Variants in FXYD5 observed in about 807,000 individuals in gnomAD.
The protein encoded by FXYD5 is FXYD domain containing ion transport regulator 5.
A neutral mutation model predicts 25.7 loss-of-function variants in FXYD5; 21 were observed. The observed-to-expected ratio is 0.82, with a 90% CI of 0.58 to 1.18. The LOEUF (loss-of-function observed/expected upper bound fraction) is 1.18, where lower values mean the gene tolerates loss of function less well. FXYD5 is among the 50% of genes most tolerant of loss of function. The pLI is 0.00. For synonymous variants in FXYD5, 101 were observed against 90.7 expected (o/e 1.11, Z -0.64); for missense variants, 229 against 227.7 (o/e 1.01, Z -0.04).
chr19:35,166,011 T>C (rs1435300854), intron 6 of FXYD5, 131 bp from the exon 7 acceptor site: 2 of 804,944 alleles, frequency 2.5e-6, no homozygotes, highest in Non-Finnish European at 4.4e-6. Flanking sequence ...AGCCAGATTG[T>C]GTGCCATGGT....
At chr19:35,159,097 A>G (rs2065382523) in intron 4 of FXYD5, among the ~76,000 whole-genome samples, 1 of 151,848 alleles carries the variant, frequency 6.6e-6, no homozygotes, top group Non-Finnish European at 1.5e-5. Flanking sequence ...ACTGCACTCC[A>G]GCCTGGGCAA....
chr19:35,164,952 A>G (rs2065438012), intron 6 of FXYD5, among the ~76,000 whole-genome samples: 1 of 152,220 alleles, frequency 6.6e-6, no homozygotes, highest in Admixed American at 6.5e-5. Context: ...CAGGTTGAGT[A>G]TTCCTTATCC....
chr19:35,155,594 T>A lies in FXYD5; in HGVS notation c.44T>A (p.Leu15Gln), dbSNP rs1347708169. The A allele has an allele frequency of 6.2e-7, 1 of 1,609,882 alleles. No individual in the cohort carries two copies. Among genetic ancestry groups the A allele is most frequent in the Admixed American group, 1.7e-5 (1 of 60,004 alleles). ...CTGTGTCTTCTCACCATCGTTGGCC[T>A]GATTCTCCCCACCAGAGGTAAGACC... ...GRLCLLTIVG[L>Q]ILPTRGQTLK... The change falls in exon 2 of 9, where the codon CTG becomes CAG. Residue 15 changes from leucine (L) to glutamine (Q), a missense_variant. By Grantham distance (113) the Leu-to-Gln change is moderately radical. Transcript: ENST00000392219.
rs753853880 is a variant in FXYD5 at position 35,166,373 on chromosome 19, C to T, written c.487+48C>T. 3.7e-5 allele frequency: 46 copies of T among 1,241,058 alleles called. No individual in the cohort carries two copies. The South Asian group carries it at 6.2e-4, about 17-fold the overall frequency. 76.9% of individuals were successfully genotyped at this position (1,241,058 alleles called of 1,614,324 possible). ...AAGGACACCAAGACCAGGAGGGGGA[C>T]TTATGACGGAGGGCTGGGTTCTCAA... On this transcript the variant is annotated intron_variant, in intron 8 of 8. Transcript: ENST00000392219.
chr19:35,159,808 C>T, intron 4 of FXYD5: 1 of 794,088 alleles, frequency 1.3e-6, no homozygotes, highest in Non-Finnish European at 1.9e-6. Context: ...CACAACAAGT[C>T]AGGGACGCAG....
rs1013079401 is a variant in FXYD5 at position 35,169,606 on chromosome 19, T to C, written c.528T>C (p.Arg176=). Residue 176 remains arginine (R), a synonymous_variant, in exon 9 of 9, where the codon CGT becomes CGC. Transcript: ENST00000392219. The part of the protein sequence containing the change: ...CRQLSRLCRN[R]CR ...AGCTGTCCCGGTTATGCCGGAATCG[T>C]TGCAGGTGAGTCCATCAGAAACAGG... 4 of 1,607,904 alleles carry C rather than the reference T, an allele frequency of 2.5e-6. No individual in the cohort carries two copies. The highest frequency in any genetic ancestry group is 2.6e-6 in the Non-Finnish European group (3 of 1,174,280).
intron 3 of FXYD5, 171 bp downstream of exon 3, chr19:35,157,672 C>T (rs1271153622): frequency 6.0e-6 from 3 of 502,252 alleles, no homozygotes; most frequent in Admixed American, 3.4e-5. Context: ...CTATCAGAAC[C>T]TCTCTCCACC....
chr19:35,157,563 C>A (rs2065368784), intron 3 of FXYD5, 62 bp downstream of exon 3: 1 of 883,430 alleles, frequency 1.1e-6, no homozygotes, highest in Non-Finnish European at 1.9e-6. Context: ...CAACAAAAAT[C>A]CCAAACTTGG....
Position 35,155,542 on chromosome 19 carries a change from G to T in FXYD5, c.1-9G>T. The T allele has an allele frequency of 6.2e-7, 1 of 1,608,548 alleles. No individual in the cohort carries two copies. Reference sequence around the variant, plus strand: ...TCATGGCTGACCCCAGCATCGCCTGGTCCCACAGATGTCGCCCTCTGGTCG... The same window carrying T: ...TCATGGCTGACCCCAGCATCGCCTGTTCCCACAGATGTCGCCCTCTGGTCG... On this transcript the variant is annotated splice_polypyrimidine_tract_variant and intron_variant, in intron 1 of 8. Transcript: ENST00000392219.
Position 35,168,377 on chromosome 19 carries a change from C to T in FXYD5, c.488-1189C>T, listed in dbSNP as rs2065469202. 2.0e-5 allele frequency among the ~76,000 whole-genome samples: 3 copies of T among 152,038 alleles called. No individual in the cohort carries two copies. The South Asian group carries it at 6.2e-4, about 32-fold the overall frequency. ...GGAAGAGAGGGGTGGGGAGAGAAGC[C>T]CTCCCTGGAGTGGTGAAATTGGAAC... On this transcript the variant is annotated intron_variant, in intron 8 of 8. Transcript: ENST00000392219.
At position 35,160,714 on chromosome 19, in the gene FXYD5, C is replaced by G. The variant is rs372822500; in HGVS notation, c.205C>G (p.Pro69Ala). The change falls in exon 5 of 9, where the codon CCA becomes GCA. Residue 69 changes from proline (P) to alanine (A), a missense_variant. Pro to Ala is a conservative substitution (Grantham distance 27, BLOSUM62 -1). Coordinates refer to ENST00000392219, the MANE Select transcript of FXYD5 (RefSeq NM_014164.6). ...PTPTWPADET[P>A]QPQTQTQQLE... ...TGCTCTCCTGACCTGAATAGAAACA[C>G]CACAACCCCAGACCCAGACCCAGCA... The G allele has an allele frequency of 1.2e-6, 2 of 1,611,598 alleles. No homozygotes were observed. The highest frequency in any genetic ancestry group is 4.5e-5 in the East Asian group (2 of 44,864).
chr19:35,163,251 A>G (rs551360428), intron 5 of FXYD5, among the ~76,000 whole-genome samples: 22 of 152,284 alleles, frequency 1.4e-4, no homozygotes, highest in African/African-American at 5.3e-4. Context: ...CTTGGTTGCC[A>G]GTTCCTATTT....
chr19:35,164,240 C>T lies in FXYD5; in HGVS notation c.377C>T (p.Pro126Leu), dbSNP rs201983472. The change falls in exon 6 of 9, where the codon CCA becomes CTA. Residue 126 changes from proline to leucine, a missense_variant. Coordinates refer to ENST00000392219, the MANE Select transcript of FXYD5 (RefSeq NM_014164.6). ...DVQTDPQTLK[P>L]SGFHEDDPFF... ...CAGACAGACCCCCAGACCCTCAAGCCATCTGGTTAGTAACTGCCTCCCCAG... is the reference window on the plus strand; with the variant it reads ...CAGACAGACCCCCAGACCCTCAAGCTATCTGGTTAGTAACTGCCTCCCCAG... 30 of 1,610,958 alleles carry T rather than the reference C, an allele frequency of 1.9e-5. No homozygotes were observed. Among genetic ancestry groups the T allele is most frequent in the Non-Finnish European group, 2.5e-5 (29 of 1,178,684 alleles).
intron 5 of FXYD5, among the ~76,000 whole-genome samples, chr19:35,162,767 T>A (rs1488487645): frequency 6.6e-6 from 1 of 152,196 alleles, no homozygotes. Flanking sequence ...TTCAAAGGTC[T>A]CAGGGAAGGA....
At position 35,169,698 on chromosome 19, in the gene FXYD5, A is replaced by G. The variant is rs2065481902; in HGVS notation, c.*83A>G. The G allele has an allele frequency of 2.3e-6, 2 of 875,752 alleles. No homozygotes were observed. Among genetic ancestry groups the G allele is most frequent in the Non-Finnish European group, 1.9e-6 (1 of 518,476 alleles). 54.2% of individuals were successfully genotyped at this position (875,752 alleles called of 1,614,324 possible). A position where few individuals can be genotyped will look rare whatever the true frequency, so the allele number is the denominator to read the frequency against. On this transcript the variant is annotated 3_prime_UTR_variant, in exon 9 of 9. Coordinates refer to ENST00000392219, the MANE Select transcript of FXYD5 (RefSeq NM_014164.6). ...CAGCTCACCGTGCCCAGCCTCCTGC[A>G]TCCCCTCGAAGAGCCTGGCCAGAGA... is the stretch of plus-strand genomic sequence containing the variant.
Position 35,158,368 on chromosome 19 carries a change from C to T in FXYD5, c.167C>T (p.Pro56Leu). The T allele has an allele frequency of 2.5e-6, 4 of 1,608,220 alleles. No homozygotes were observed. Among genetic ancestry groups the T allele is most frequent in the Non-Finnish European group, 3.4e-6 (4 of 1,174,782 alleles). ...APDAVYTELQ[P>L]TSPTPTWPAD... ...GATGCAGTCTACACAGAACTCCAGC[C>T]CACCTCTCCAACCCCAACCTGGCCT... The change falls in exon 4 of 9, where the codon CCC becomes CTC. Residue 56 changes from proline (P) to leucine (L), a missense_variant. Pro to Leu is a moderately conservative substitution (Grantham distance 98). Coordinates refer to ENST00000392219, the MANE Select transcript of FXYD5 (RefSeq NM_014164.6).
In FXYD5 at chr19:35,157,481, A is replaced by G. The variant is rs1384952178; in HGVS notation, c.122A>G (p.Gln41Arg). ...SSADSTIMDI[Q>R]VPTRAPDAVY... ...GCAGACTCAACTATCATGGACATTC[A>G]GGTCCCGACACGAGCCCCAGGTGAG... Residue 41 changes from glutamine to arginine, a missense_variant, in exon 3 of 9, where the codon CAG becomes CGG. Gln to Arg is a conservative substitution (Grantham distance 43). Coordinates refer to ENST00000392219, the MANE Select transcript of FXYD5 (RefSeq NM_014164.6). 2 of 1,565,260 alleles carry G rather than the reference A, an allele frequency of 1.3e-6. No homozygotes were observed. The highest frequency in any genetic ancestry group is 1.8e-6 in the Non-Finnish European group (2 of 1,135,956).
chr19:35,164,563 T>G (rs1345823569), intron 6 of FXYD5, among the ~76,000 whole-genome samples: 1 of 152,210 alleles, frequency 6.6e-6, no homozygotes, highest in Non-Finnish European at 1.5e-5. Flanking sequence ...CTGGACTTAC[T>G]CATGCGTCTG....
chr19:35,161,249 A>ACAC (rs58296906), intron 5 of FXYD5, among the ~76,000 whole-genome samples: 12 of 120,492 alleles, frequency 1.0e-4, no homozygotes, highest in East Asian at 9.3e-4. Flanking sequence ...CACACACACA[A>ACAC]AAGAATGATT....
Sources: gnomAD v4.1 joint callset for allele counts (sites outside exome capture counted in the v4.1 genomes callset) on GRCh38, gnomAD v4.1.1 for gene constraint, MANE v1.5 for transcripts, NCBI Gene and HGNC (gene_info 2026-07-23, HGNC 2026-07-21) for gene names.